Variants in XXYLT1 observed in about 807,000 individuals in gnomAD.
XXYLT1 encodes the protein xyloside xylosyltransferase 1.
A neutral mutation model predicts 28.9 loss-of-function variants in XXYLT1; 20 were observed. That is an observed-to-expected ratio of 0.69 (90% confidence interval 0.49 to 1.00). The LOEUF is 1.00. Among genes scored for constraint, XXYLT1 ranks in the 50% least tolerant of loss-of-function variants. The pLI is 0.00. For synonymous variants in XXYLT1, 257 were observed against 253.8 expected (o/e 1.01, Z -0.12); for missense variants, 542 against 560.1 (o/e 0.97, Z 0.33).
Position 195,150,651 on chromosome 3 carries a change from C to T in XXYLT1, c.785+5798G>A, listed in dbSNP as rs977677659. 3.3e-5 allele frequency among the ~76,000 whole-genome samples: 5 copies of T among 152,164 alleles called. No individual in the cohort carries two copies. Among genetic ancestry groups the T allele is most frequent in the African/African-American group, 7.2e-5 (3 of 41,424 alleles). ...GGGGCTCACACAGCACACGGCTGCCCGCAGAGCCTGGGGAGAATGAAACCG... is the reference window on the plus strand; with the variant it reads ...GGGGCTCACACAGCACACGGCTGCCTGCAGAGCCTGGGGAGAATGAAACCG... On this transcript the variant is annotated intron_variant, in intron 3 of 3. Transcript: ENST00000310380. The surrounding 1 kb of genome is among the most constrained non-coding windows in gnomAD (Gnocchi z 4.7).
chr3:195,264,791 G>A (rs372167945), intron 1 of XXYLT1, among the ~76,000 whole-genome samples: 7 of 152,312 alleles, frequency 4.6e-5, no homozygotes, highest in East Asian at 1.9e-4. Flanking sequence ...ACAGCCGGGC[G>A]TGTTGGCTCA....
Position 195,256,725 on chromosome 3 carries a change from G to C in XXYLT1, c.504+13830C>G, listed in dbSNP as rs1725492315. Among the ~76,000 whole-genome samples the C allele has an allele frequency of 1.3e-5, 2 of 152,192 alleles. No individual in the cohort carries two copies. Among genetic ancestry groups the C allele is most frequent in the Non-Finnish European group, 2.9e-5 (2 of 68,026 alleles). ...GAAACTGAGGCAAAGACATCAGAAG[G>C]CCTTGCTAACAGAAGCCAGGGTCAG... is the stretch of plus-strand genomic sequence containing the variant. On this transcript the variant is annotated intron_variant, in intron 1 of 3. Coordinates refer to ENST00000310380, the MANE Select transcript of XXYLT1 (RefSeq NM_152531.5). The surrounding 1 kb of genome is among the most constrained non-coding windows in gnomAD (Gnocchi z 4.2).
intron 1 of XXYLT1, chr3:195,259,785 G>T: frequency 1.8e-6 from 1 of 550,746 alleles, no homozygotes; most frequent in Non-Finnish European, 2.3e-6. Context: ...ATACCGAGGG[G>T]CCACCCCCAC....
At chr3:195,128,903 T>C (rs1476973647) in intron 3 of XXYLT1, among the ~76,000 whole-genome samples, 3 of 152,166 alleles carry the variant, frequency 2.0e-5, no homozygotes, top group Non-Finnish European at 4.4e-5. Flanking sequence ...ACTGAATAAA[T>C]GAAAGCATGC....
intron 2 of XXYLT1, among the ~76,000 whole-genome samples, chr3:195,218,606 C>T (rs1427487885): frequency 2.1e-4 from 32 of 152,210 alleles, no homozygotes; most frequent in African/African-American, 7.0e-4. Context: ...AAATCAAAAC[C>T]ACAATGAGAT....
In XXYLT1 at chr3:195,086,527, G is replaced by A. The variant is rs117905532; in HGVS notation, c.786-16416C>T. ...AACACAGTGGTTAGGGGCAGGGGCT[G>A]TGGGGTCAGAGGCCTGACTATGAGC... On this transcript the variant is annotated intron_variant, in intron 3 of 3. Coordinates refer to ENST00000310380, the MANE Select transcript of XXYLT1 (RefSeq NM_152531.5). Among the ~76,000 whole-genome samples, 181 of 152,288 alleles carry A rather than the reference G, an allele frequency of 1.2e-3. 3 individuals carry two copies. In the East Asian group the frequency reaches 0.03, roughly 25 times the overall value.
At chr3:195,264,565 T>C (rs532116428) in intron 1 of XXYLT1, among the ~76,000 whole-genome samples, 9 of 152,356 alleles carry the variant, frequency 5.9e-5, no homozygotes, top group Admixed American at 5.2e-4. Flanking sequence ...CTCTGTAGAA[T>C]TGATCACAAT....
chr3:195,134,824 GGGGT>G (rs1156261582), intron 3 of XXYLT1, among the ~76,000 whole-genome samples: 5 of 130,274 alleles, frequency 3.8e-5, no homozygotes, highest in African/African-American at 1.5e-4. Flanking sequence ...GGCGTGAAGA[GGGGT>G]GTGTGTGTGT....
At chr3:195,085,385 T>C (rs1005964621) in intron 3 of XXYLT1, among the ~76,000 whole-genome samples, 3 of 152,166 alleles carry the variant, frequency 2.0e-5, no homozygotes, top group African/African-American at 7.2e-5. Context: ...AATACGCAAC[T>C]CACCCAAGGT....
At chr3:195,172,097 A>G (rs145143112) in intron 2 of XXYLT1, among the ~76,000 whole-genome samples, 101 of 152,268 alleles carry the variant, frequency 6.6e-4, no homozygotes, top group Middle Eastern at 6.8e-3. Context: ...TATTTTAAGT[A>G]CCATCATGAT....
chr3:195,252,727 C>CAGAGAGAGAGAGAG (rs10649695), intron 1 of XXYLT1, among the ~76,000 whole-genome samples: 2 of 119,010 alleles, frequency 1.7e-5, no homozygotes, highest in Admixed American at 7.9e-5. Context: ...CACACACACA[C>CAGAGAGAGAGAGAG]AGAGAGAGAG....
In XXYLT1 at chr3:195,270,722, C is replaced by G. The variant is rs1315999615; in HGVS notation, c.337G>C (p.Ala113Pro). 1 of 1,590,038 alleles carries G rather than the reference C, an allele frequency of 6.3e-7. No homozygotes were observed. Among genetic ancestry groups the G allele is most frequent in the Non-Finnish European group, 8.5e-7 (1 of 1,172,300 alleles). ...GCGACGCGGGCCTTGGCCTGCAGCG[C>G]GGCATTGTGCTCCGCCTTGGTGAAC... ...MMFTKAEHNA[A>P]LQAKARVALR... The change falls in exon 1 of 4, where the codon GCG becomes CCG. Residue 113 changes from alanine to proline, a missense_variant. Transcript: ENST00000310380.
intron 3 of XXYLT1, among the ~76,000 whole-genome samples, chr3:195,153,522 A>G (rs929197012): frequency 1.4e-4 from 22 of 152,218 alleles, no homozygotes; most frequent in African/African-American, 5.3e-4. Flanking sequence ...TGCAAACGCC[A>G]TTCTTCAGAC....
chr3:195,149,276 T>C (rs1424817602), intron 3 of XXYLT1, among the ~76,000 whole-genome samples: 2 of 152,212 alleles, frequency 1.3e-5, no homozygotes, highest in African/African-American at 4.8e-5. Context: ...CCATATGCTA[T>C]TCAAAACAAA....
chr3:195,089,940 A>G (rs1316991838), intron 3 of XXYLT1, among the ~76,000 whole-genome samples: 11 of 152,164 alleles, frequency 7.2e-5, no homozygotes, highest in Non-Finnish European at 1.5e-4. Flanking sequence ...AGGCCATTAC[A>G]TAATGGTAAA....
At chr3:195,160,102 G>GA (rs11371461) in intron 2 of XXYLT1, among the ~76,000 whole-genome samples, 30,725 of 151,586 alleles carry the variant, frequency 0.2, 3,642 homozygotes, top group East Asian at 0.42. Flanking sequence ...AAATCCAGAA[G>GA]AAAAAAATAG....
At chr3:195,075,145 A>G (rs1400574024) in intron 3 of XXYLT1, among the ~76,000 whole-genome samples, 1 of 152,194 alleles carries the variant, frequency 6.6e-6, no homozygotes, top group Non-Finnish European at 1.5e-5. Flanking sequence ...CCAGCTACTC[A>G]GGAGGCTGAG....
intron 3 of XXYLT1, among the ~76,000 whole-genome samples, chr3:195,147,496 G>C (rs1183203155): frequency 6.6e-6 from 1 of 152,172 alleles, no homozygotes; most frequent in African/African-American, 2.4e-5. Context: ...CTTGAACCCG[G>C]GAGGCGGAGG....
intron 3 of XXYLT1, chr3:195,095,356 C>T (rs149424523): frequency 4.4e-4 from 67 of 153,992 alleles, no homozygotes; most frequent in Non-Finnish European, 5.6e-4. Flanking sequence ...AAGTCATACG[C>T]GAACCCCCCG....
Sources: gnomAD v4.1 joint callset for allele counts (sites outside exome capture counted in the v4.1 genomes callset) on GRCh38, gnomAD v4.1.1 for gene constraint, Gnocchi (gnomAD v3.1) non-coding constraint, MANE v1.5 for transcripts, NCBI Gene and HGNC (gene_info 2026-07-23, HGNC 2026-07-21) for gene names.